GPC5: variants seen among roughly 807,000 people sequenced by gnomAD.
GPC5 encodes the protein glypican-5.
Under a neutral mutation model 53.9 loss-of-function variants are expected in GPC5, and 47 were observed. That is an observed-to-expected ratio of 0.87 (90% CI 0.69 to 1.11). The LOEUF (loss-of-function observed/expected upper bound fraction) is 1.11, where lower values mean the gene tolerates loss of function less well. Among genes scored for constraint, GPC5 ranks in the 50% most tolerant of loss-of-function variants. GPC5 has a pLI of 0.00. For synonymous variants in GPC5, 286 were observed against 263.3 expected (o/e 1.09, Z -0.84); for missense variants, 748 against 713.1 (o/e 1.05, Z -0.56).
chr13:91,492,304 A>G (rs1416541732), intron 2 of GPC5, among the ~76,000 whole-genome samples: 1 of 152,148 alleles, frequency 6.6e-6, no homozygotes, highest in East Asian at 1.9e-4. Flanking sequence ...TATAAATGAG[A>G]TTTATTACAG....
intron 6 of GPC5, among the ~76,000 whole-genome samples, chr13:92,061,347 CTAT>C (rs1419692300): frequency 6.6e-6 from 1 of 151,958 alleles, no homozygotes; most frequent in African/African-American, 2.4e-5. Context: ...GTGTGCTATG[CTAT>C]TAACTAATAT....
At chr13:91,621,459 T>C (rs915061407) in intron 2 of GPC5, among the ~76,000 whole-genome samples, 1 of 151,964 alleles carries the variant, frequency 6.6e-6, no homozygotes, top group African/African-American at 2.4e-5. Flanking sequence ...ACATTAGAGC[T>C]AATAAGAGAA....
chr13:92,719,394 C>T (rs943126738), intron 7 of GPC5, among the ~76,000 whole-genome samples: 20 of 152,138 alleles, frequency 1.3e-4, no homozygotes, highest in South Asian at 4.1e-4. Context: ...CCATTATGGG[C>T]GTTTTATATT....
chr13:91,921,849 C>G (rs2039718164), intron 6 of GPC5, among the ~76,000 whole-genome samples: 1 of 151,746 alleles, frequency 6.6e-6, no homozygotes, highest in Admixed American at 6.6e-5. Flanking sequence ...GCCTGTAGTC[C>G]TATCCTAGCT....
chr13:91,917,713 A>T (rs9589370), intron 6 of GPC5, among the ~76,000 whole-genome samples: 23 of 152,304 alleles, frequency 1.5e-4, no homozygotes, highest in African/African-American at 5.1e-4. Flanking sequence ...TCTTTGATAA[A>T]GCATAGAAAG....
chr13:91,597,924 A>AC (rs1555328611), intron 2 of GPC5, among the ~76,000 whole-genome samples: 1 of 150,852 alleles, frequency 6.6e-6, no homozygotes, highest in African/African-American at 2.4e-5. Flanking sequence ...TTGAGTTTGT[A>AC]TTTCTTTTTA....
chr13:92,119,668 CTTCGGCCTCCCAAAGTGCTGG>C (rs1186454878), intron 6 of GPC5, among the ~76,000 whole-genome samples: 104 of 147,422 alleles, frequency 7.1e-4, no homozygotes, highest in Admixed American at 1.2e-3. Context: ...GATCCGCCCG[CTTCGGCCTCCCAAAGTGCTGG>C]GAGAATTTTA....
At chr13:92,004,282 T>A (rs1381924527) in intron 6 of GPC5, among the ~76,000 whole-genome samples, 2 of 150,818 alleles carry the variant, frequency 1.3e-5, no homozygotes, top group Non-Finnish European at 3.0e-5. Context: ...CTGTCTCTAC[T>A]AAAAATACAA....
chr13:92,194,920 GA>G, intron 7 of GPC5, among the ~76,000 whole-genome samples: 1 of 152,104 alleles, frequency 6.6e-6, no homozygotes, highest in Non-Finnish European at 1.5e-5. Flanking sequence ...CTTTTATCAG[GA>G]AAAAATAAGG....
At chr13:92,725,594 AT>A (rs373865665) in intron 7 of GPC5, among the ~76,000 whole-genome samples, 65 of 151,694 alleles carry the variant, frequency 4.3e-4, no homozygotes, top group South Asian at 1.4e-3. Context: ...TATTTTTAAC[AT>A]TTTTTTAACT....
chr13:91,764,065 C>T (rs991819427), intron 5 of GPC5, among the ~76,000 whole-genome samples: 5 of 151,658 alleles, frequency 3.3e-5, no homozygotes, highest in African/African-American at 9.7e-5. Flanking sequence ...ATTTTTGATT[C>T]GTGGTTGGTC....
At chr13:92,423,950 A>G (rs1301036451) in intron 7 of GPC5, among the ~76,000 whole-genome samples, 1 of 152,166 alleles carries the variant, frequency 6.6e-6, no homozygotes, top group Non-Finnish European at 1.5e-5. Flanking sequence ...GAGCATTTCC[A>G]TGTGTAGTAT....
intron 6 of GPC5, among the ~76,000 whole-genome samples, chr13:92,107,516 T>C (rs946434116): frequency 2.0e-5 from 3 of 152,130 alleles, no homozygotes; most frequent in Non-Finnish European, 4.4e-5. Context: ...AAACTGTGCA[T>C]ATTACTCTGA....
In GPC5 at chr13:92,285,578, A is replaced by G. The variant is rs182770434; in HGVS notation, c.1561+140589A>G. Among the ~76,000 whole-genome samples the G allele has an allele frequency of 7.4e-3, 1,132 of 152,314 alleles. 14 individuals are homozygous for G. The highest frequency in any genetic ancestry group is 0.039 in the Admixed American group (604 of 15,310). On this transcript the variant is annotated intron_variant, in intron 7 of 7. Coordinates refer to ENST00000377067, the MANE Select transcript of GPC5 (RefSeq NM_004466.6). ...ATGGAACAGAACAGAGCCCTCAGAA[A>G]TAATACCACACATCTACAACCATCT...
chr13:91,923,700 A>T (rs2039739783), intron 6 of GPC5, among the ~76,000 whole-genome samples: 1 of 152,200 alleles, frequency 6.6e-6, no homozygotes, highest in Non-Finnish European at 1.5e-5. Context: ...TTATATACCT[A>T]TCTACTATCA....
intron 5 of GPC5, among the ~76,000 whole-genome samples, chr13:91,872,341 A>G (rs1356999769): frequency 2.0e-5 from 3 of 152,212 alleles, no homozygotes; most frequent in Non-Finnish European, 2.9e-5. Context: ...CTCAAGTTCA[A>G]AAAAATAAAA....
chr13:92,394,940 G>A lies in GPC5; in HGVS notation c.1561+249951G>A, dbSNP rs575247609. 5.9e-5 allele frequency among the ~76,000 whole-genome samples: 9 copies of A among 152,142 alleles called. 1 individual carries two copies. The highest frequency in any genetic ancestry group is 4.6e-4 in the Admixed American group (7 of 15,280). ...GGAATTATTTTATAATGACTATGTCGTTTATTGCAACCATGTCATTTATTG... is the reference window on the plus strand; with the variant it reads ...GGAATTATTTTATAATGACTATGTCATTTATTGCAACCATGTCATTTATTG... On this transcript the variant is annotated intron_variant, in intron 7 of 7. Coordinates refer to ENST00000377067, the MANE Select transcript of GPC5 (RefSeq NM_004466.6).
chr13:92,642,817 G>A (rs1427121251), intron 7 of GPC5, among the ~76,000 whole-genome samples: 2 of 152,184 alleles, frequency 1.3e-5, no homozygotes, highest in Non-Finnish European at 2.9e-5. Context: ...AACGAAAAGA[G>A]AAGTAGAAAT....
chr13:92,438,758 T>C (rs1877428616), intron 7 of GPC5, among the ~76,000 whole-genome samples: 1 of 151,960 alleles, frequency 6.6e-6, no homozygotes, highest in Admixed American at 6.6e-5. Flanking sequence ...TGGAGGCGGA[T>C]TCTAAAACAA....
Sources: gnomAD v4.1 joint callset for allele counts (sites outside exome capture counted in the v4.1 genomes callset) on GRCh38, gnomAD v4.1.1 for gene constraint, MANE v1.5 for transcripts, NCBI Gene and HGNC (gene_info 2026-07-23, HGNC 2026-07-21) for gene names.